GKAP1: variants seen among roughly 807,000 people sequenced by gnomAD.
GKAP1 encodes the protein G kinase-anchoring protein 1.
A neutral mutation model predicts 56.7 loss-of-function variants in GKAP1; 31 were observed. That is an observed-to-expected ratio of 0.55 (90% CI 0.41 to 0.74). The LOEUF (loss-of-function observed/expected upper bound fraction) is 0.74, where lower values mean the gene tolerates loss of function less well. GKAP1 is among the 30% of genes least tolerant of loss of function. The pLI is 0.00. For synonymous variants in GKAP1, 151 were observed against 138.6 expected (o/e 1.09, Z -0.63); for missense variants, 364 against 402.3 (o/e 0.90, Z 0.82).
rs768669281 is a variant in GKAP1, at chr9:83,768,855, T to C, written c.701A>G (p.Asn234Ser). The change falls in exon 8 of 13, where the codon AAT becomes AGT. Residue 234 changes from asparagine to serine, a missense_variant. Physicochemically the swap from Asn to Ser is conservative, Grantham distance 46 (BLOSUM62 1). Coordinates refer to ENST00000376371, the MANE Select transcript of GKAP1 (RefSeq NM_025211.4). The stretch of plus-strand genomic sequence containing the variant: ...ATGAGCTGTACAATTATCTGTTCCA[T>C]TATATTCTGTAAGCTGTTCTCTTCG... Reference protein sequence around the residue: ...EKRREQLTEYNGTDNCTAHEH... With the variant: ...EKRREQLTEYSGTDNCTAHEH... 1 of 1,612,744 alleles carries C rather than the reference T, an allele frequency of 6.2e-7. No homozygotes were observed. Among genetic ancestry groups the C allele is most frequent in the Non-Finnish European group, 8.5e-7 (1 of 1,179,526 alleles).
chr9:83,768,676 C>A, intron 8 of GKAP1, 142 bp downstream of exon 8: 1 of 694,112 alleles, frequency 1.4e-6, no homozygotes, highest in South Asian at 1.8e-5. Flanking sequence ...ATATAAATAC[C>A]TTTGCGTGAT....
intron 9 of GKAP1, among the ~76,000 whole-genome samples, chr9:83,752,256 G>T (rs1460294222): frequency 3.9e-5 from 6 of 152,018 alleles, no homozygotes; most frequent in Admixed American, 3.9e-4. Flanking sequence ...GCAAAAATTA[G>T]CCAGGCATGG....
At chr9:83,800,346 T>G (rs554710866) in intron 3 of GKAP1, among the ~76,000 whole-genome samples, 7 of 150,816 alleles carry the variant, frequency 4.6e-5, no homozygotes, top group African/African-American at 9.7e-5. Context: ...TTTTTTGTTT[T>G]TTTTTTTTTT....
intron 7 of GKAP1, among the ~76,000 whole-genome samples, chr9:83,779,548 CGT>C (rs1425771116): frequency 1.4e-4 from 13 of 91,140 alleles, no homozygotes; most frequent in Non-Finnish European, 2.5e-4. Flanking sequence ...TATATATACA[CGT>C]GTATATGTGT....
intron 4 of GKAP1, among the ~76,000 whole-genome samples, chr9:83,792,182 A>G (rs573558686): frequency 1.1e-4 from 16 of 152,310 alleles, no homozygotes; most frequent in Admixed American, 2.0e-4. Context: ...AGTTTTAAGG[A>G]CTTAAAGTTG....
intron 2 of GKAP1, among the ~76,000 whole-genome samples, chr9:83,811,797 C>A (rs1401509422): frequency 4.0e-5 from 6 of 151,510 alleles, no homozygotes; most frequent in African/African-American, 1.2e-4. Flanking sequence ...ATATTAAAGA[C>A]AAAAAATAGC....
chr9:83,747,747 A>G (rs1943318718), intron 10 of GKAP1, among the ~76,000 whole-genome samples: 1 of 151,298 alleles, frequency 6.6e-6, no homozygotes, highest in African/African-American at 2.4e-5. Context: ...AACAATTCTC[A>G]TGCCTCAGTT....
intron 8 of GKAP1, among the ~76,000 whole-genome samples, chr9:83,766,411 T>A (rs1943664499): frequency 6.6e-6 from 1 of 152,208 alleles, no homozygotes; most frequent in Non-Finnish European, 1.5e-5. Context: ...AACAATTAAA[T>A]TTAATTCAAT....
Position 83,784,818 on chromosome 9 carries a change from A to G in GKAP1, c.459T>C (p.Asn153=). Residue 153 remains asparagine (N), a synonymous_variant, in exon 6 of 13, where the codon AAT becomes AAC. Coordinates refer to ENST00000376371, the MANE Select transcript of GKAP1 (RefSeq NM_025211.4). ...EHKKEYEDAE[N]TSTQSKVMNK... ...TCATAACTTTGGACTGAGTTGAAGT[A>G]TTTTCAGCATCTTCATACTCCTAAA... The G allele has an allele frequency of 6.3e-7, 1 of 1,586,966 alleles. No homozygotes were observed. The highest frequency in any genetic ancestry group is 1.7e-4 in the Middle Eastern group (1 of 5,986).
At chr9:83,816,692 T>C (rs923594782) in intron 2 of GKAP1, among the ~76,000 whole-genome samples, 2 of 152,218 alleles carry the variant, frequency 1.3e-5, no homozygotes, top group African/African-American at 2.4e-5. Flanking sequence ...AAGAAAAGTG[T>C]CTCCGGCTTT....
rs374486476 is a variant in GKAP1 at position 83,740,316 on chromosome 9, CAAAGG to C, written c.1054-577_1054-573del. 1.9e-4 allele frequency among the ~76,000 whole-genome samples: 29 copies of C among 151,988 alleles called. No individual in the cohort carries two copies. In the East Asian group the frequency reaches 5.0e-3, roughly 26 times the overall value. On this transcript the variant is annotated intron_variant, in intron 12 of 12. Coordinates refer to ENST00000376371, the MANE Select transcript of GKAP1 (RefSeq NM_025211.4). Reference sequence around the variant, plus strand: ...TTGTGGTATTTGACTTGAGCCAAAGCAAAGGAAAGGCAGCATAAAGGACAAGAAGG... The same window carrying C: ...TTGTGGTATTTGACTTGAGCCAAAGCAAAGGCAGCATAAAGGACAAGAAGG...
chr9:83,745,131 T>G (rs906956446), intron 10 of GKAP1, among the ~76,000 whole-genome samples: 2 of 152,002 alleles, frequency 1.3e-5, no homozygotes, highest in Non-Finnish European at 1.5e-5. Flanking sequence ...CCTGGGCTCA[T>G]GCAATCCTCC....
Position 83,799,188 on chromosome 9 carries a change from C to T in GKAP1, c.357G>A (p.Glu119=). 3 of 1,613,108 alleles carry T rather than the reference C, an allele frequency of 1.9e-6. No homozygotes were observed. The highest frequency in any genetic ancestry group is 2.5e-6 in the Non-Finnish European group (3 of 1,179,514). Residue 119 remains glutamate, a synonymous_variant, in exon 4 of 13, where the codon GAG becomes GAA. Coordinates refer to ENST00000376371, the MANE Select transcript of GKAP1 (RefSeq NM_025211.4). ...AATTTTATTTACTTAGTTGTACCTG[C>T]TCATCTCTTTGTCTCCACTCTTGCC... is the stretch of plus-strand genomic sequence containing the variant. ...ENWQEWRQRD[E]QLTSEMFEAD...
At chr9:83,770,210 C>A (rs1943733959) in intron 7 of GKAP1, among the ~76,000 whole-genome samples, 1 of 152,056 alleles carries the variant, frequency 6.6e-6, no homozygotes, top group Non-Finnish European at 1.5e-5. Flanking sequence ...TTGATGAAGT[C>A]CAATTTTATC....
intron 2 of GKAP1, among the ~76,000 whole-genome samples, chr9:83,809,921 G>C (rs1218821879): frequency 6.6e-6 from 1 of 152,132 alleles, no homozygotes; most frequent in East Asian, 1.9e-4. Flanking sequence ...GATTCTCCCA[G>C]ATCAGCCTCC....
At chr9:83,793,914 C>T (rs1469653442) in intron 4 of GKAP1, among the ~76,000 whole-genome samples, 1 of 152,158 alleles carries the variant, frequency 6.6e-6, no homozygotes, top group Non-Finnish European at 1.5e-5. Flanking sequence ...TGCCTACAAT[C>T]CCAGCACTTT....
intron 8 of GKAP1, among the ~76,000 whole-genome samples, chr9:83,766,195 T>C (rs1943661159): frequency 6.6e-6 from 1 of 152,128 alleles, no homozygotes. Context: ...TGGCACTCAT[T>C]CTCTCTCCTG....
At chr9:83,782,790 T>C (rs1943997714) in intron 6 of GKAP1, among the ~76,000 whole-genome samples, 1 of 150,882 alleles carries the variant, frequency 6.6e-6, no homozygotes, top group Non-Finnish European at 1.5e-5. Flanking sequence ...CCTCAGCCTC[T>C]GGAGTAGCTG....
intron 9 of GKAP1, among the ~76,000 whole-genome samples, chr9:83,752,009 T>G (rs1943398234): frequency 6.6e-6 from 1 of 152,186 alleles, no homozygotes; most frequent in African/African-American, 2.4e-5. Flanking sequence ...ACTCAGATAC[T>G]TATGCACCAG....
Sources: gnomAD v4.1 joint callset for allele counts (sites outside exome capture counted in the v4.1 genomes callset) on GRCh38, gnomAD v4.1.1 for gene constraint, MANE v1.5 for transcripts, NCBI Gene and HGNC (gene_info 2026-07-23, HGNC 2026-07-21) for gene names.